GUCY1A2: variants seen among roughly 807,000 people sequenced by gnomAD.
GUCY1A2 encodes the protein guanylate cyclase 1 soluble subunit alpha 2.
Under a neutral mutation model 63.5 loss-of-function variants are expected in GUCY1A2, and 27 were observed. The observed-to-expected ratio is 0.43, with a 90% confidence interval of 0.31 to 0.59. The LOEUF is 0.59. GUCY1A2 is among the 20% of genes least tolerant of loss of function. GUCY1A2 has a pLI of 0.11. For missense variants in GUCY1A2, 768 were observed against 913.3 expected (o/e 0.84, Z 2.05); for synonymous variants, 364 against 343.5 (o/e 1.06, Z -0.66).
rs186269694 is a variant in GUCY1A2, at chr11:106,843,000, A to T, written c.1207-32522T>A. Reference sequence around the variant, plus strand: ...TTTGCCTTCATCTGTTTTACATATTATGATTCCAAGTAAGAGTTCATTCAA... The same window carrying T: ...TTTGCCTTCATCTGTTTTACATATTTTGATTCCAAGTAAGAGTTCATTCAA... On this transcript the variant is annotated intron_variant, in intron 4 of 7. Coordinates refer to ENST00000526355, the MANE Select transcript of GUCY1A2 (RefSeq NM_000855.3). 2.0e-5 allele frequency among the ~76,000 whole-genome samples: 3 copies of T among 152,024 alleles called. No homozygotes were observed. The East Asian group carries it at 5.8e-4, about 30-fold the overall frequency.
Position 106,683,713 on chromosome 11 carries a change from A to T in GUCY1A2, c.*3836T>A, listed in dbSNP as rs948893470. On this transcript the variant is annotated 3_prime_UTR_variant, in exon 8 of 8. Transcript: ENST00000526355. The stretch of plus-strand genomic sequence containing the variant: ...AATGGACTGAGTCATTCTCAAAATG[A>T]CAAGACAGAAACCTGTGTGTAAAAG... The T allele has an allele frequency of 3.6e-5, 8 of 224,446 alleles. No homozygotes were observed. The highest frequency in any genetic ancestry group is 5.3e-5 in the Non-Finnish European group (6 of 112,428). The allele number at this position is 224,446 out of a possible 1,614,324, so 13.9% of individuals were successfully genotyped here.
chr11:106,796,814 G>A (rs965932945), intron 5 of GUCY1A2, among the ~76,000 whole-genome samples: 7 of 152,094 alleles, frequency 4.6e-5, no homozygotes, highest in Non-Finnish European at 7.4e-5. Context: ...GAATTTGAAT[G>A]TTGGCCTGCC....
chr11:106,960,035 TC>T (rs78239207), intron 3 of GUCY1A2, among the ~76,000 whole-genome samples: 41,008 of 152,060 alleles, frequency 0.27, 5,611 homozygotes, highest in African/African-American at 0.31. Flanking sequence ...GCAAACATTT[TC>T]CCATGCTGTA....
chr11:106,728,927 A>C (rs1863453492), intron 6 of GUCY1A2, among the ~76,000 whole-genome samples: 1 of 152,120 alleles, frequency 6.6e-6, no homozygotes, highest in African/African-American at 2.4e-5. Context: ...CAATGTCTTC[A>C]TATTTATGAA....
At chr11:106,878,782 T>TAAAAAAAAAAAAAA (rs372754272) in intron 4 of GUCY1A2, among the ~76,000 whole-genome samples, 1 of 138,000 alleles carries the variant, frequency 7.2e-6, no homozygotes, top group Non-Finnish European at 1.6e-5. Flanking sequence ...ACTTAAAAGT[T>TAAAAAAAAAAAAAA]AAAAAAAAAA....
chr11:106,735,251 A>G (rs1591254064), intron 6 of GUCY1A2, among the ~76,000 whole-genome samples: 2 of 152,064 alleles, frequency 1.3e-5, no homozygotes, highest in Non-Finnish European at 2.9e-5. Context: ...ATCTAAGTAT[A>G]TTGTTGTACC....
intron 4 of GUCY1A2, among the ~76,000 whole-genome samples, chr11:106,895,583 G>GC (rs1860036084): frequency 6.6e-6 from 1 of 152,122 alleles, no homozygotes; most frequent in African/African-American, 2.4e-5. Flanking sequence ...CAGCTGCCAT[G>GC]TAAGACATAC....
chr11:106,720,779 G>A (rs1366229854), intron 6 of GUCY1A2, among the ~76,000 whole-genome samples: 1 of 152,136 alleles, frequency 6.6e-6, no homozygotes, highest in East Asian at 1.9e-4. Flanking sequence ...CAAATGTAAT[G>A]TGGTGTCCTA....
At chr11:106,925,297 T>A (rs1860507197) in intron 4 of GUCY1A2, among the ~76,000 whole-genome samples, 1 of 152,200 alleles carries the variant, frequency 6.6e-6, no homozygotes, top group Non-Finnish European at 1.5e-5. Flanking sequence ...TATCAATTAT[T>A]CAGAATAACT....
intron 6 of GUCY1A2, among the ~76,000 whole-genome samples, chr11:106,736,939 C>T (rs1340590178): frequency 1.3e-5 from 2 of 152,086 alleles, no homozygotes; most frequent in Non-Finnish European, 2.9e-5. Context: ...ATCTGGGGAG[C>T]ATACCACCAC....
At chr11:106,730,451 CT>C (rs1397060378) in intron 6 of GUCY1A2, among the ~76,000 whole-genome samples, 3 of 151,866 alleles carry the variant, frequency 2.0e-5, no homozygotes, top group African/African-American at 2.4e-5. Flanking sequence ...AGCTCTCATT[CT>C]TTTTTTATGG....
intron 6 of GUCY1A2, among the ~76,000 whole-genome samples, chr11:106,732,768 T>C (rs548485673): frequency 6.6e-6 from 1 of 152,268 alleles, no homozygotes; most frequent in South Asian, 2.1e-4. Flanking sequence ...ATTGACTCAT[T>C]TGTGAACATA....
At chr11:106,881,500 T>C (rs990220758) in intron 4 of GUCY1A2, among the ~76,000 whole-genome samples, 1 of 152,086 alleles carries the variant, frequency 6.6e-6, no homozygotes, top group African/African-American at 2.4e-5. Context: ...TGTAGTATCC[T>C]CATTAAAAAT....
intron 4 of GUCY1A2, among the ~76,000 whole-genome samples, chr11:106,903,841 C>A (rs1384861387): frequency 6.6e-6 from 1 of 152,112 alleles, no homozygotes; most frequent in African/African-American, 2.4e-5. Context: ...AGAATAGTAG[C>A]AACATAGCAG....
chr11:106,827,830 C>A, intron 4 of GUCY1A2: 1 of 1,599,682 alleles, frequency 6.3e-7, no homozygotes, highest in South Asian at 1.1e-5. Context: ...GTGACGCCCG[C>A]GATGCCGCCG....
intron 5 of GUCY1A2, among the ~76,000 whole-genome samples, chr11:106,800,903 C>CAT (rs1384808771): frequency 1.3e-5 from 2 of 151,540 alleles, no homozygotes; most frequent in African/African-American, 4.8e-5. Flanking sequence ...AAAAGAATCT[C>CAT]ATAGAATCAG....
At chr11:106,876,738 T>G (rs933676643) in intron 4 of GUCY1A2, among the ~76,000 whole-genome samples, 1 of 152,082 alleles carries the variant, frequency 6.6e-6, no homozygotes, top group Non-Finnish European at 1.5e-5. Flanking sequence ...TCTTAATACA[T>G]ACTTTACATT....
At chr11:106,928,881 G>A (rs1381023037) in intron 4 of GUCY1A2, among the ~76,000 whole-genome samples, 1 of 152,146 alleles carries the variant, frequency 6.6e-6, no homozygotes, top group Non-Finnish European at 1.5e-5. Context: ...CCATCAATGT[G>A]TAGTGTATGA....
intron 4 of GUCY1A2, among the ~76,000 whole-genome samples, chr11:106,864,063 G>A (rs974709381): frequency 6.6e-6 from 1 of 151,824 alleles, no homozygotes; most frequent in Non-Finnish European, 1.5e-5. Flanking sequence ...CCTGCCTGTC[G>A]GGGGTTGGGA....
Sources: allele counts gnomAD v4.1 joint callset (sites outside exome capture counted in the v4.1 genomes callset), GRCh38; gene constraint gnomAD v4.1.1; transcripts MANE v1.5; gene names NCBI Gene and HGNC (gene_info 2026-07-23, HGNC 2026-07-21).